EMID1: variants seen among roughly 807,000 people sequenced by gnomAD.
EMID1 encodes the protein EMI domain containing 1.
A neutral mutation model predicts 60.6 loss-of-function variants in EMID1; 40 were observed. The observed-to-expected ratio is 0.66, with a 90% CI of 0.51 to 0.86. The LOEUF is 0.86. Ranked by LOEUF, EMID1 falls within the 40% of genes least tolerant of loss-of-function variation. The probability of loss-of-function intolerance (pLI) is 0.00; values close to 1 mark genes in which losing one functional copy is unlikely to be tolerated. For synonymous variants in EMID1, 242 were observed against 231.0 expected, an observed-to-expected ratio of 1.05 and a Z score of -0.43; for missense variants, 585 against 597.1, an observed-to-expected ratio of 0.98 and a Z score of 0.21.
intron 13 of EMID1, among the ~76,000 whole-genome samples, chr22:29,251,051 G>A (rs1020081761): frequency 2.1e-4 from 31 of 150,688 alleles, no homozygotes; most frequent in African/African-American, 7.6e-4. Context: ...CCAAAGTACT[G>A]GAATTACAGG....
intron 7 of EMID1, 189 bp downstream of exon 7, chr22:29,231,871 C>A (rs766494176): frequency 2.2e-5 from 13 of 585,538 alleles, no homozygotes; most frequent in Non-Finnish European, 3.5e-5. Flanking sequence ...GTTCACTGAC[C>A]CACATTCCCT....
intron 3 of EMID1, among the ~76,000 whole-genome samples, chr22:29,217,152 C>T (rs1012603052): frequency 5.9e-5 from 9 of 152,340 alleles, no homozygotes; most frequent in Admixed American, 5.9e-4. Context: ...CCATTCTGTC[C>T]CTGGCTCCCC....
At chr22:29,221,843 G>A (rs2040310935) in intron 3 of EMID1, among the ~76,000 whole-genome samples, 2 of 152,100 alleles carry the variant, frequency 1.3e-5, no homozygotes, top group South Asian at 4.2e-4. Context: ...TGTGAATCTT[G>A]AATCCAAAGC....
chr22:29,211,190 G>T (rs1312517923), intron 1 of EMID1, among the ~76,000 whole-genome samples: 2 of 152,308 alleles, frequency 1.3e-5, no homozygotes, highest in African/African-American at 2.4e-5. Context: ...GCCTGCTTTG[G>T]TCTGTCTATG....
chr22:29,259,003 C>G lies in EMID1; in HGVS notation c.*59C>G. ...GGCTTCCCCTCCTACCTGGACTCGG[C>G]CAGCTGCCTCCAGGGACCGCCCGTC... On this transcript the variant is annotated 3_prime_UTR_variant, in exon 15 of 15. Coordinates refer to ENST00000334018, the MANE Select transcript of EMID1 (RefSeq NM_133455.4). The G allele has an allele frequency of 6.4e-7, 1 of 1,563,874 alleles. No individual in the cohort carries two copies. The highest frequency in any genetic ancestry group is 8.6e-7 in the Non-Finnish European group (1 of 1,157,588).
rs1478341977 is a variant in EMID1, at chr22:29,225,000, T to C, written c.320-133T>C. On this transcript the variant is annotated intron_variant, in intron 3 of 14. Coordinates refer to ENST00000334018, the MANE Select transcript of EMID1 (RefSeq NM_133455.4). The stretch of plus-strand genomic sequence containing the variant: ...GTTCATGCTGTTTGACCCAGATACA[T>C]TGCCTCTCCTCTGGGCCTCTGTGTC... 16 of 833,994 alleles carry C rather than the reference T, an allele frequency of 1.9e-5. No individual in the cohort carries two copies. The East Asian group carries it at 3.7e-4, about 19-fold the overall frequency. 51.7% of individuals were successfully genotyped at this position (833,994 alleles called of 1,614,324 possible).
intron 3 of EMID1, among the ~76,000 whole-genome samples, chr22:29,219,909 A>T (rs946080701): frequency 6.6e-6 from 1 of 152,150 alleles, no homozygotes. Context: ...CATCTTAACC[A>T]GGTTCCAGGT....
chr22:29,230,460 G>A (rs1480093414), intron 5 of EMID1, among the ~76,000 whole-genome samples: 1 of 152,236 alleles, frequency 6.6e-6, no homozygotes, highest in Non-Finnish European at 1.5e-5. Flanking sequence ...GGCCCAGCAA[G>A]CACCGCGACA....
At chr22:29,234,092 C>G in intron 10 of EMID1, 45 bp from the exon 11 acceptor site, 1 of 1,553,410 alleles carries the variant, frequency 6.4e-7, no homozygotes, top group Non-Finnish European at 8.7e-7. Flanking sequence ...CCTGCCCACT[C>G]CATCCTGCCC....
intron 5 of EMID1, among the ~76,000 whole-genome samples, chr22:29,229,488 A>T (rs2040649227): frequency 6.6e-6 from 1 of 152,114 alleles, no homozygotes; most frequent in Non-Finnish European, 1.5e-5. Context: ...TACTAAAAGT[A>T]CAAAATTAGC....
intron 14 of EMID1, among the ~76,000 whole-genome samples, chr22:29,255,894 G>A (rs762420602): frequency 6.6e-6 from 1 of 152,164 alleles, no homozygotes; most frequent in Non-Finnish European, 1.5e-5. Context: ...ACAGAATCTG[G>A]CAGGGCCTAG....
intron 1 of EMID1, among the ~76,000 whole-genome samples, chr22:29,214,293 G>A (rs1297916994): frequency 1.3e-5 from 2 of 152,176 alleles, no homozygotes; most frequent in Admixed American, 6.5e-5. Context: ...AGAACTGCTC[G>A]GGTCAGGGTG....
rs1056423938 is a variant in EMID1 at position 29,259,001 on chromosome 22, G to A, written c.*57G>A. 22 of 1,570,764 alleles carry A rather than the reference G, an allele frequency of 1.4e-5. No homozygotes were observed. The highest frequency in any genetic ancestry group is 4.7e-5 in the East Asian group (2 of 42,622). ...CAGGCTTCCCCTCCTACCTGGACTC[G>A]GCCAGCTGCCTCCAGGGACCGCCCG... On this transcript the variant is annotated 3_prime_UTR_variant, in exon 15 of 15. Coordinates refer to ENST00000334018, the MANE Select transcript of EMID1 (RefSeq NM_133455.4).
At chr22:29,231,486 G>T in intron 6 of EMID1, 107 bp from the exon 7 acceptor site, 1 of 1,203,320 alleles carries the variant, frequency 8.3e-7, no homozygotes, top group Non-Finnish European at 1.2e-6. Flanking sequence ...AGAGTGTGAG[G>T]GTCCCGCTGC....
chr22:29,213,326 T>C (rs1399954296), intron 1 of EMID1, among the ~76,000 whole-genome samples: 1 of 152,192 alleles, frequency 6.6e-6, no homozygotes, highest in Non-Finnish European at 1.5e-5. Context: ...CAGGCACCTG[T>C]CACCTCTGCA....
At chr22:29,219,651 G>A (rs1406132760) in intron 3 of EMID1, among the ~76,000 whole-genome samples, 1 of 152,068 alleles carries the variant, frequency 6.6e-6, no homozygotes, top group Non-Finnish European at 1.5e-5. Context: ...GCATGGTGGT[G>A]CACACCTATA....
Position 29,259,128 on chromosome 22 carries a change from G to A in EMID1, c.*184G>A. 4.3e-6 allele frequency: 4 copies of A among 936,750 alleles called. No homozygotes were observed. The highest frequency in any genetic ancestry group is 6.1e-6 in the Non-Finnish European group (4 of 655,596). The allele number at this position is 936,750 out of a possible 1,614,324, so 58.0% of individuals were successfully genotyped here. On this transcript the variant is annotated 3_prime_UTR_variant, in exon 15 of 15. Coordinates refer to ENST00000334018, the MANE Select transcript of EMID1 (RefSeq NM_133455.4). ...ATGCACATGTCTGAGGCTGAGCAAGGGCTGAGAGGAGAGGCTTGGGCCTCA... is the reference window on the plus strand; with the variant it reads ...ATGCACATGTCTGAGGCTGAGCAAGAGCTGAGAGGAGAGGCTTGGGCCTCA...
rs773045882 is a variant in EMID1, at chr22:29,233,599, C to A, written c.914-15C>A. 1.2e-6 allele frequency: 2 copies of A among 1,613,180 alleles called. No homozygotes were observed. The highest frequency in any genetic ancestry group is 1.7e-6 in the Non-Finnish European group (2 of 1,179,364). Reference sequence around the variant, plus strand: ...TACTTTGTTCCGGCCCTTAGGACATCCTGTCTTTTTCCAGGTCCCCCTGGG... The same window carrying A: ...TACTTTGTTCCGGCCCTTAGGACATACTGTCTTTTTCCAGGTCCCCCTGGG... On this transcript the variant is annotated splice_polypyrimidine_tract_variant and intron_variant, in intron 9 of 14. Coordinates refer to ENST00000334018, the MANE Select transcript of EMID1 (RefSeq NM_133455.4).
chr22:29,231,258 G>A, intron 6 of EMID1, 118 bp downstream of exon 6: 1 of 1,412,084 alleles, frequency 7.1e-7, no homozygotes, highest in Non-Finnish European at 9.4e-7. Context: ...GTGGGCCTCA[G>A]TCTTCCCATT....
Sources: allele counts gnomAD v4.1 joint callset (sites outside exome capture counted in the v4.1 genomes callset), GRCh38; gene constraint gnomAD v4.1.1; transcripts MANE v1.5; gene names NCBI Gene and HGNC (gene_info 2026-07-23, HGNC 2026-07-21).